Variants in TNS1 observed in about 807,000 individuals in gnomAD.
TNS1 encodes the protein tensin 1, also known as tensin-1.
In TNS1, 62 loss-of-function variants were observed where a neutral mutation model predicts 168.6. That is an observed-to-expected ratio of 0.37 (90% confidence interval 0.30 to 0.45). TNS1 has a LOEUF of 0.45. Ranked by LOEUF, TNS1 falls within the 20% of genes least tolerant of loss-of-function variation. The pLI is 1.00. For synonymous variants in TNS1, 934 were observed against 933.2 expected, an observed-to-expected ratio of 1.00 and a Z score of -0.02; for missense variants, 2,240 against 2,339.4, an observed-to-expected ratio of 0.96 and a Z score of 0.88.
chr2:217,839,578 G>A (rs1258822995), intron 19 of TNS1, among the ~76,000 whole-genome samples: 5 of 152,022 alleles, frequency 3.3e-5, no homozygotes, highest in East Asian at 1.9e-4. Context: ...ACACTCACAC[G>A]CACACTCGCA....
intron 32 of TNS1, among the ~76,000 whole-genome samples, chr2:217,805,500 C>T (rs1433883178): frequency 1.5e-4 from 7 of 47,674 alleles, no homozygotes; most frequent in South Asian, 6.5e-4. Context: ...ACACACCACA[C>T]ACACCACCAC....
At chr2:217,933,580 G>A (rs922266704) in intron 3 of TNS1, among the ~76,000 whole-genome samples, 1 of 152,168 alleles carries the variant, frequency 6.6e-6, no homozygotes, top group South Asian at 2.1e-4. Flanking sequence ...GGGGAAAGGA[G>A]CCCATATGTA....
Position 217,818,763 on chromosome 2 carries a change from CAG to C in TNS1, c.3573-6_3573-5del. 2 of 1,602,446 alleles carry C rather than the reference CAG, an allele frequency of 1.2e-6. No individual in the cohort carries two copies. The highest frequency in any genetic ancestry group is 1.7e-6 in the Non-Finnish European group (2 of 1,173,594). On this transcript the variant is annotated splice_polypyrimidine_tract_variant and splice_region_variant and intron_variant, in intron 23 of 32. Coordinates refer to ENST00000682258, the MANE Select transcript of TNS1 (RefSeq NM_001387777.1). Reference sequence around the variant, plus strand: ...CGGGAAACTCCCCACTGAAGTGCTGCAGAGAGATGGCAGGTTGCGATGTCAGT... The same window carrying C: ...CGGGAAACTCCCCACTGAAGTGCTGCAGAGATGGCAGGTTGCGATGTCAGT...
intron 2 of TNS1, among the ~76,000 whole-genome samples, chr2:217,983,910 T>C (rs1284934017): frequency 6.6e-6 from 1 of 152,250 alleles, no homozygotes; most frequent in African/African-American, 2.4e-5. Context: ...TCTGGATGTT[T>C]CTGAGAAAGT....
At chr2:217,900,416 C>G in intron 7 of TNS1, 47 bp downstream of exon 7, 1 of 1,526,276 alleles carries the variant, frequency 6.6e-7, no homozygotes, top group Non-Finnish European at 8.8e-7. Context: ...CCCACAGTGA[C>G]CCCCCTGCTT....
intron 11 of TNS1, among the ~76,000 whole-genome samples, chr2:217,891,303 G>C (rs921063871): frequency 1.4e-4 from 22 of 152,182 alleles, no homozygotes; most frequent in Non-Finnish European, 1.5e-5. Context: ...CCCAGCTCAG[G>C]TCTACCACTT....
intron 7 of TNS1, among the ~76,000 whole-genome samples, chr2:217,899,855 T>C (rs1952750528): frequency 6.6e-6 from 1 of 152,204 alleles, no homozygotes; most frequent in Non-Finnish European, 1.5e-5. Context: ...TCCAGGGGCT[T>C]CAACTCTACT....
chr2:218,009,860 G>A (rs2105998783), intron 1 of TNS1, among the ~76,000 whole-genome samples: 1 of 152,324 alleles, frequency 6.6e-6, no homozygotes, highest in Middle Eastern at 3.4e-3. Flanking sequence ...GACACCCAGG[G>A]GTGTGCGCTG....
intron 29 of TNS1, 71 bp downstream of exon 29, chr2:217,810,177 G>T (rs774606113): frequency 6.4e-7 from 1 of 1,556,784 alleles, no homozygotes; most frequent in African/African-American, 1.4e-5. Context: ...GCCTGCACGT[G>T]CAGGAGGGGT....
intron 18 of TNS1, among the ~76,000 whole-genome samples, chr2:217,872,172 G>C (rs1041176472): frequency 6.6e-6 from 1 of 152,176 alleles, no homozygotes; most frequent in Admixed American, 6.5e-5. Flanking sequence ...TTGTAAAAGA[G>C]GCCTGAGGAC....
At chr2:217,830,239 C>A in intron 22 of TNS1, 1 of 1,230,770 alleles carries the variant, frequency 8.1e-7, no homozygotes, top group Non-Finnish European at 1.1e-6. Flanking sequence ...TGGTGAGAGG[C>A]AGCCCCCAGC....
At position 217,879,473 on chromosome 2, in the gene TNS1, C is replaced by T. The variant is rs1284384640; in HGVS notation, c.1429+1425G>A. 18 of 452,502 alleles carry T rather than the reference C, an allele frequency of 4.0e-5. 1 individual carries two copies. Among genetic ancestry groups the T allele is most frequent in the Admixed American group, 2.9e-4 (12 of 41,954 alleles). 28.0% of individuals were successfully genotyped at this position (452,502 alleles called of 1,614,324 possible). A position where few individuals can be genotyped will look rare whatever the true frequency, so the allele number is the denominator to read the frequency against. ...CAAGCAGCCTGGGGGGTCGGAGGGG[C>T]CTGGTGGGGTGTCTTGGCCAATCTG... is the stretch of plus-strand genomic sequence containing the variant. On this transcript the variant is annotated intron_variant, in intron 18 of 32. Transcript: ENST00000682258.
chr2:217,997,140 CT>C (rs1259779323), intron 1 of TNS1, among the ~76,000 whole-genome samples: 2 of 152,164 alleles, frequency 1.3e-5, no homozygotes, highest in Non-Finnish European at 2.9e-5. Flanking sequence ...CCAGATACCC[CT>C]GGACCCCTGT....
At chr2:217,920,336 T>C in intron 3 of TNS1, 100 bp from the exon 4 acceptor site, 2 of 693,386 alleles carry the variant, frequency 2.9e-6, no homozygotes, top group Non-Finnish European at 2.6e-6. Context: ...CTTCATTCCC[T>C]CACACGGGCT....
At chr2:217,927,862 C>A (rs1956114597) in intron 3 of TNS1, among the ~76,000 whole-genome samples, 1 of 152,226 alleles carries the variant, frequency 6.6e-6, no homozygotes, top group Non-Finnish European at 1.5e-5. Flanking sequence ...AGCTTCTGAG[C>A]CCTGTTCTCT....
At chr2:217,812,910 G>T (rs942449809) in intron 27 of TNS1, among the ~76,000 whole-genome samples, 1 of 152,204 alleles carries the variant, frequency 6.6e-6, no homozygotes, top group African/African-American at 2.4e-5. Flanking sequence ...TGTGATAGAA[G>T]GTGCTGAGAC....
At chr2:217,832,821 GAACA>G (rs748682861) in intron 21 of TNS1, among the ~76,000 whole-genome samples, 1 of 152,142 alleles carries the variant, frequency 6.6e-6, no homozygotes, top group Non-Finnish European at 1.5e-5. Flanking sequence ...GATGTCCAAA[GAACA>G]AACACAGCAT....
In TNS1 at chr2:217,892,996, A is replaced by C; in HGVS notation, c.734T>G (p.Ile245Arg). 6.2e-7 allele frequency: 1 copy of C among 1,614,138 alleles called. No individual in the cohort carries two copies. Among genetic ancestry groups the C allele is most frequent in the Admixed American group, 1.7e-5 (1 of 60,018 alleles). Residue 245 changes from isoleucine (I) to arginine (R), a missense_variant, in exon 11 of 33, where the codon ATA (isoleucine) becomes AGA (arginine). By Grantham distance (97) the Ile-to-Arg change is moderately conservative (BLOSUM62 -3). Coordinates refer to ENST00000682258, the MANE Select transcript of TNS1 (RefSeq NM_001387777.1). ...VLHNKGNRGR[I>R]GVVIAAYMHY... The stretch of plus-strand genomic sequence containing the variant: ...CATGTAAGCCGCGATGACAACTCCT[A>C]TCCTGCCTCGGTTTCCCTGAAAGAG...
intron 1 of TNS1, among the ~76,000 whole-genome samples, chr2:217,998,052 G>A (rs1358027540): frequency 6.6e-6 from 1 of 152,218 alleles, no homozygotes; most frequent in East Asian, 1.9e-4. Context: ...ACCAGGTACT[G>A]TCATCTTCTG....
Sources: allele counts gnomAD v4.1 joint callset (sites outside exome capture counted in the v4.1 genomes callset), GRCh38; gene constraint gnomAD v4.1.1; transcripts MANE v1.5; gene names NCBI Gene and HGNC (gene_info 2026-07-23, HGNC 2026-07-21).